Variants in FRAS1 observed in about 807,000 individuals in gnomAD.
FRAS1 encodes Fraser extracellular matrix complex subunit 1, also known as extracellular matrix organizing protein FRAS1.
In FRAS1, 290 loss-of-function variants were observed where a neutral mutation model predicts 435.2. That is an observed-to-expected ratio of 0.67 (90% confidence interval 0.61 to 0.73). The LOEUF (loss-of-function observed/expected upper bound fraction) is 0.73. Among genes scored for constraint, FRAS1 ranks in the 30% least tolerant of loss-of-function variants. FRAS1 has a pLI of 0.00. For missense variants in FRAS1, 4,860 were observed against 5,001.5 expected (o/e 0.97, Z 0.85); for synonymous variants, 1,800 against 1,851.0 (o/e 0.97, Z 0.71).
chr4:78,403,245 G>A lies in FRAS1; in HGVS notation c.4129+2358G>A, dbSNP rs573452138. ...CTAGAAACAACCAATATTCCATTAA[G>A]TCTTAAACAAAACAACGCTGAATTA... is the stretch of plus-strand genomic sequence containing the variant. On this transcript the variant is annotated intron_variant, in intron 30 of 73. Transcript: ENST00000512123. 2.6e-5 allele frequency among the ~76,000 whole-genome samples: 4 copies of A among 152,156 alleles called. No homozygotes were observed. In the South Asian group the frequency reaches 8.3e-4, roughly 32 times the overall value.
At chr4:78,264,846 A>G (rs955137399) in intron 6 of FRAS1, 179 bp from the exon 7 acceptor site, 2 of 688,726 alleles carry the variant, frequency 2.9e-6, no homozygotes, top group Non-Finnish European at 5.3e-6. Flanking sequence ...GGGCACACTG[A>G]CCTTGGAATT....
chr4:78,237,609 T>TTCTCAAAGGCACA lies in FRAS1; in HGVS notation c.209_210insCTCAAAGGCACAT (p.Glu71SerfsTer5). ...TGTTTGCAGAAACCCTCAATGTGCC[T>TTCTCAAAGGCACA]TTGAGAAGGTACGGTATCCTAATTG... is the stretch of plus-strand genomic sequence containing the variant. On this transcript the variant is annotated frameshift_variant, in exon 3 of 74. Coordinates refer to ENST00000512123, the MANE Select transcript of FRAS1 (RefSeq NM_025074.7). LOFTEE classifies it high-confidence loss of function. 1 of 1,589,718 alleles carries TTCTCAAAGGCACA rather than the reference T, an allele frequency of 6.3e-7. No individual in the cohort carries two copies. The highest frequency in any genetic ancestry group is 8.6e-7 in the Non-Finnish European group (1 of 1,160,760).
At chr4:78,278,880 C>A in intron 10 of FRAS1, 136 bp downstream of exon 10, 1 of 618,928 alleles carries the variant, frequency 1.6e-6, no homozygotes, top group South Asian at 1.9e-5. Flanking sequence ...GTACAACAGG[C>A]TCTGGGGACA....
chr4:78,306,801 T>G (rs1018225595), intron 14 of FRAS1, among the ~76,000 whole-genome samples: 7 of 152,176 alleles, frequency 4.6e-5, no homozygotes, highest in African/African-American at 1.7e-4. Context: ...TTCTTTGCGT[T>G]TGGTTTGAAT....
At chr4:78,459,514 G>A (rs1185958026) in intron 47 of FRAS1, among the ~76,000 whole-genome samples, 1 of 152,250 alleles carries the variant, frequency 6.6e-6, no homozygotes, top group Non-Finnish European at 1.5e-5. Context: ...ATTCTCAGAG[G>A]TGATGCTTTA....
intron 1 of FRAS1, among the ~76,000 whole-genome samples, chr4:78,058,424 T>A (rs1175677066): frequency 6.6e-6 from 1 of 152,080 alleles, no homozygotes; most frequent in Admixed American, 6.5e-5. Flanking sequence ...AGCAACTGCA[T>A]GGAGCACAGG....
intron 38 of FRAS1, among the ~76,000 whole-genome samples, chr4:78,438,099 A>G (rs895939314): frequency 6.6e-6 from 1 of 152,154 alleles, no homozygotes; most frequent in African/African-American, 2.4e-5. Flanking sequence ...TTTCTGTTTC[A>G]TGGAATTTTA....
chr4:78,362,526 A>G (rs1302978253), intron 20 of FRAS1, among the ~76,000 whole-genome samples: 7 of 152,188 alleles, frequency 4.6e-5, no homozygotes, highest in Non-Finnish European at 8.8e-5. Context: ...CAAACCAGGC[A>G]TGTTGCCTCA....
At chr4:78,180,511 A>G (rs1389422639) in intron 2 of FRAS1, among the ~76,000 whole-genome samples, 1 of 152,176 alleles carries the variant, frequency 6.6e-6, no homozygotes, top group East Asian at 1.9e-4. Flanking sequence ...AAAAACACAA[A>G]TGAAGTGAAA....
chr4:78,090,485 A>G (rs760980816), intron 2 of FRAS1, among the ~76,000 whole-genome samples: 9 of 152,208 alleles, frequency 5.9e-5, no homozygotes, highest in East Asian at 1.9e-4. Context: ...CTTACAAATT[A>G]CTGTGGCAGA....
intron 58 of FRAS1, among the ~76,000 whole-genome samples, chr4:78,484,850 AC>A (rs1720120395): frequency 6.6e-6 from 1 of 152,150 alleles, no homozygotes; most frequent in Admixed American, 6.6e-5. Context: ...AGGACTTTTG[AC>A]CCCAAGTTCA....
intron 2 of FRAS1, among the ~76,000 whole-genome samples, chr4:78,122,823 G>C (rs1719107626): frequency 6.6e-6 from 1 of 152,094 alleles, no homozygotes; most frequent in African/African-American, 2.4e-5. Context: ...TGATGGAGTT[G>C]TTTGCTTTTT....
At chr4:78,367,984 T>C (rs1731342172) in intron 22 of FRAS1, among the ~76,000 whole-genome samples, 1 of 152,212 alleles carries the variant, frequency 6.6e-6, no homozygotes. Flanking sequence ...TTATCAATTA[T>C]AAAGATTTGC....
intron 32 of FRAS1, among the ~76,000 whole-genome samples, chr4:78,413,846 G>C (rs1461727926): frequency 6.6e-6 from 1 of 152,190 alleles, no homozygotes; most frequent in Non-Finnish European, 1.5e-5. Flanking sequence ...ATGAAGCTTA[G>C]TTGAGACAAT....
chr4:78,177,087 GTTTTTT>G (rs35373726), intron 2 of FRAS1, among the ~76,000 whole-genome samples: 1 of 133,330 alleles, frequency 7.5e-6, no homozygotes. Context: ...AGTGATGTGA[GTTTTTT>G]TTTTTTTTTT....
intron 41 of FRAS1, 119 bp from the exon 42 acceptor site, chr4:78,445,403 C>T: frequency 7.5e-7 from 1 of 1,341,992 alleles, no homozygotes; most frequent in East Asian, 2.6e-5. Flanking sequence ...ACTCTCCCAA[C>T]TTTATCCTCA....
intron 40 of FRAS1, 41 bp downstream of exon 40, chr4:78,439,105 G>A: frequency 6.6e-7 from 1 of 1,517,516 alleles, no homozygotes; most frequent in Non-Finnish European, 9.0e-7. Context: ...GTACTATAGA[G>A]AGCTGGAATC....
intron 9 of FRAS1, among the ~76,000 whole-genome samples, chr4:78,273,423 C>A (rs1014365927): frequency 3.9e-5 from 6 of 152,226 alleles, no homozygotes; most frequent in Admixed American, 6.5e-5. Context: ...CAGTTTTTGC[C>A]CATTCAGTAT....
chr4:78,361,892 T>A (rs1166761098), intron 20 of FRAS1, among the ~76,000 whole-genome samples: 1 of 152,140 alleles, frequency 6.6e-6, no homozygotes, highest in Admixed American at 6.5e-5. Flanking sequence ...CCTTTTTCAT[T>A]TGAGGTGGGT....
Sources: allele counts gnomAD v4.1 joint callset (sites outside exome capture counted in the v4.1 genomes callset), GRCh38; gene constraint gnomAD v4.1.1; transcripts MANE v1.5; gene names NCBI Gene and HGNC (gene_info 2026-07-23, HGNC 2026-07-21).